ROCK2: variants seen among roughly 807,000 people sequenced by gnomAD.
ROCK2 encodes rho-associated protein kinase 2.
ROCK2 carries 61 observed loss-of-function variants against 195.1 expected under a neutral mutation model. That is an observed-to-expected ratio of 0.31 (90% confidence interval 0.25 to 0.39). The LOEUF is 0.39. ROCK2 is among the 10% of genes least tolerant of loss of function. The probability of loss-of-function intolerance (pLI) is 1.00; values close to 1 mark genes in which losing one functional copy is unlikely to be tolerated. For missense variants in ROCK2, 1,109 were observed against 1,637.4 expected (o/e 0.68, Z 5.57); for synonymous variants, 504 against 545.5 (o/e 0.92, Z 1.06).
Position 11,221,304 on chromosome 2 carries a change from C to T in ROCK2, c.1153G>A (p.Asp385Asn). The change falls in exon 9 of 33, where the codon GAT becomes AAT. Residue 385 changes from aspartate to asparagine, a missense_variant. Around this residue, in one of 6 missense-constraint regions of ROCK2, gnomAD observed 253 missense variants for 455.5 expected, o/e 0.56. Transcript: ENST00000315872. ...TCTCCTTTGTCATCTTCAATGTCAT[C>T]GAAATTGCTGCTGTCTATGTCACTG... ...LSSDIDSSNF[D>N]DIEDDKGDVE... 1.3e-6 allele frequency: 2 copies of T among 1,591,052 alleles called. No individual in the cohort carries two copies. The highest frequency in any genetic ancestry group is 1.2e-5 in the South Asian group (1 of 84,694).
chr2:11,341,152 A>T (rs1572431961), intron 1 of ROCK2, among the ~76,000 whole-genome samples: 1 of 152,174 alleles, frequency 6.6e-6, no homozygotes, highest in East Asian at 1.9e-4. Flanking sequence ...TGCAACCATA[A>T]AAGAGATATA....
chr2:11,307,158 T>C (rs1366272580), intron 1 of ROCK2, among the ~76,000 whole-genome samples: 1 of 152,246 alleles, frequency 6.6e-6, no homozygotes, highest in Non-Finnish European at 1.5e-5. Flanking sequence ...AAAAGTATAA[T>C]TCAAAAATCT....
At position 11,237,182 on chromosome 2, in the gene ROCK2, G is replaced by A. The variant is rs559344514; in HGVS notation, c.463-1220C>T. Reference sequence around the variant, plus strand: ...GAAAACAAAAAATATATGTAAAATCGATACCCTCAAAAGGGTAACAGATGT... The same window carrying A: ...GAAAACAAAAAATATATGTAAAATCAATACCCTCAAAAGGGTAACAGATGT... On this transcript the variant is annotated intron_variant, in intron 4 of 32. Coordinates refer to ENST00000315872, the MANE Select transcript of ROCK2 (RefSeq NM_004850.5). Among the ~76,000 whole-genome samples the A allele has an allele frequency of 2.0e-5, 3 of 152,068 alleles. No homozygotes were observed. In the South Asian group the frequency reaches 6.2e-4, roughly 32 times the overall value.
At chr2:11,269,893 G>A (rs1265051343) in intron 3 of ROCK2, among the ~76,000 whole-genome samples, 3 of 152,122 alleles carry the variant, frequency 2.0e-5, no homozygotes, top group Admixed American at 6.5e-5. Flanking sequence ...TGGGACTACA[G>A]GCACATGCCA....
At chr2:11,187,735 G>A (rs1663250962) in intron 32 of ROCK2, among the ~76,000 whole-genome samples, 1 of 151,960 alleles carries the variant, frequency 6.6e-6, no homozygotes, top group Non-Finnish European at 1.5e-5. Flanking sequence ...TTGATCTTTG[G>A]CTTTGTTTTC....
intron 1 of ROCK2, among the ~76,000 whole-genome samples, chr2:11,317,627 T>TA (rs60288235): frequency 0.032 from 1,018 of 31,374 alleles, 144 homozygotes; most frequent in East Asian, 0.09. Flanking sequence ...TTTTTTTTTT[T>TA]AATTATACTT....
intron 7 of ROCK2, among the ~76,000 whole-genome samples, chr2:11,222,797 A>G (rs1664681558): frequency 6.6e-6 from 1 of 152,158 alleles, no homozygotes; most frequent in African/African-American, 2.4e-5. Flanking sequence ...TATGTTTAAC[A>G]TAAATAGGAA....
intron 1 of ROCK2, among the ~76,000 whole-genome samples, chr2:11,302,191 TGCC>T (rs1667728111): frequency 6.6e-6 from 1 of 152,216 alleles, no homozygotes; most frequent in African/African-American, 2.4e-5. Flanking sequence ...CTTGTTTCCC[TGCC>T]TCTAATCTCC....
chr2:11,320,081 G>A (rs2148246594), intron 1 of ROCK2, among the ~76,000 whole-genome samples: 1 of 152,158 alleles, frequency 6.6e-6, no homozygotes, highest in Non-Finnish European at 1.5e-5. Flanking sequence ...CTGTTAAAAG[G>A]CAATGGCAAG....
chr2:11,273,155 A>T (rs1666705293), intron 3 of ROCK2, among the ~76,000 whole-genome samples: 1 of 151,500 alleles, frequency 6.6e-6, no homozygotes, highest in Admixed American at 6.6e-5. Context: ...AAATAACAGA[A>T]ATAAATTCTT....
intron 20 of ROCK2, among the ~76,000 whole-genome samples, chr2:11,207,352 G>T (rs1664089076): frequency 6.6e-6 from 1 of 152,188 alleles, no homozygotes; most frequent in African/African-American, 2.4e-5. Flanking sequence ...TTTACATGCT[G>T]TTTATTTAAC....
At chr2:11,304,040 A>G (rs923550565) in intron 1 of ROCK2, among the ~76,000 whole-genome samples, 4 of 152,108 alleles carry the variant, frequency 2.6e-5, no homozygotes, top group African/African-American at 9.7e-5. Context: ...GCCCTTTCTT[A>G]GTATACTTTA....
At position 11,344,523 on chromosome 2, in the gene ROCK2, G is replaced by A. The variant is rs1462972891; in HGVS notation, c.-387C>T. The A allele has an allele frequency of 9.1e-6, 9 of 983,692 alleles. No individual in the cohort carries two copies. The highest frequency in any genetic ancestry group is 4.7e-5 in the South Asian group (1 of 21,258). The allele number at this position is 983,692 out of a possible 1,614,324, so 60.9% of individuals were successfully genotyped here. On this transcript the variant is annotated 5_prime_UTR_variant, in exon 1 of 33. Transcript: ENST00000315872. The surrounding 1 kb of genome is among the most constrained non-coding windows in gnomAD (Gnocchi z 5.4). The stretch of plus-strand genomic sequence containing the variant: ...CCCTCTGGGGCCCCGGGAGGCTGAA[G>A]CCCAGGCCTGGGCCACTACGGCCGC...
At chr2:11,194,200 T>C in intron 29 of ROCK2, 56 bp downstream of exon 29, 3 of 721,380 alleles carry the variant, frequency 4.2e-6, no homozygotes, top group East Asian at 2.8e-5. Context: ...ATTGCATTGT[T>C]AGTCTCTTAT....
intron 20 of ROCK2, among the ~76,000 whole-genome samples, chr2:11,204,774 T>C (rs1354042291): frequency 1.3e-5 from 2 of 152,228 alleles, no homozygotes; most frequent in East Asian, 1.9e-4. Flanking sequence ...ATGGAAGCAG[T>C]ATCTCCTGAA....
intron 3 of ROCK2, among the ~76,000 whole-genome samples, chr2:11,262,579 G>A (rs913173076): frequency 1.3e-5 from 2 of 152,140 alleles, no homozygotes; most frequent in African/African-American, 4.8e-5. Context: ...GAGATCTAAT[G>A]GTTATTATAA....
In ROCK2 at chr2:11,235,999, C is replaced by A. The variant is rs1371981550; in HGVS notation, c.463-37G>T. The stretch of plus-strand genomic sequence containing the variant: ...AAGGAAAAGGAAAAATTTTTAAAAA[C>A]CCAAACCAAAAATCATAATCAGAAC... On this transcript the variant is annotated intron_variant, in intron 4 of 32. Coordinates refer to ENST00000315872, the MANE Select transcript of ROCK2 (RefSeq NM_004850.5). The surrounding 1 kb of genome is among the most constrained non-coding windows in gnomAD (Gnocchi z 4.2). 10 of 1,437,412 alleles carry A rather than the reference C, an allele frequency of 7.0e-6. No individual in the cohort carries two copies. The highest frequency in any genetic ancestry group is 1.8e-5 in the South Asian group (1 of 56,536). The allele number at this position is 1,437,412 out of a possible 1,614,324, so 89.0% of individuals were successfully genotyped here. A position where few individuals can be genotyped will look rare whatever the true frequency, so the allele number is the denominator to read the frequency against.
intron 2 of ROCK2, among the ~76,000 whole-genome samples, chr2:11,287,159 A>C (rs1235063158): frequency 6.6e-6 from 1 of 152,210 alleles, no homozygotes; most frequent in African/African-American, 2.4e-5. Context: ...TGTATACATT[A>C]ATTGTTTTGA....
chr2:11,313,626 G>C (rs547476122), intron 1 of ROCK2, among the ~76,000 whole-genome samples: 1 of 151,684 alleles, frequency 6.6e-6, no homozygotes, highest in Non-Finnish European at 1.5e-5. Context: ...GTTTTCCTCA[G>C]TTTTTTTCTC....
Sources: allele counts gnomAD v4.1 joint callset (sites outside exome capture counted in the v4.1 genomes callset), GRCh38; gene constraint gnomAD v4.1.1; regional missense constraint gnomAD v4.1.1; non-coding constraint Gnocchi (gnomAD v3.1); transcripts MANE v1.5; gene names NCBI Gene and HGNC (gene_info 2026-07-23, HGNC 2026-07-21).